The following POC5 variants were observed in gnomAD, a reference collection of about 807,000 sequenced individuals.
POC5 encodes POC5 centriolar protein, also known as centrosomal protein POC5.
In POC5, 48 loss-of-function variants were observed where a neutral mutation model predicts 62.9. That is an observed-to-expected ratio of 0.76 (90% CI 0.61 to 0.97). The LOEUF is 0.97. POC5 is among the 50% of genes least tolerant of loss of function. The pLI, the probability that POC5 is intolerant of heterozygous loss-of-function variation, is 0.00. For synonymous variants in POC5, 236 were observed against 228.2 expected (o/e 1.03, Z -0.31); for missense variants, 696 against 679.5 (o/e 1.02, Z -0.27).
rs77142319 is a variant in POC5, at chr5:75,702,560, C to T, written c.513+45G>A. 1,259 of 1,530,116 alleles carry T rather than the reference C, an allele frequency of 8.2e-4. 9 individuals are homozygous for T. The East Asian group carries it at 0.021, about 26-fold the overall frequency. The allele number at this position is 1,530,116 out of a possible 1,614,324, so 94.8% of individuals were successfully genotyped here. On this transcript the variant is annotated intron_variant, in intron 5 of 11. Transcript: ENST00000428202. ...AGTATAAATGAGAGTAAAACTATTACATTACATACTAAACAACTGTAATTG... is the reference window on the plus strand; with the variant it reads ...AGTATAAATGAGAGTAAAACTATTATATTACATACTAAACAACTGTAATTG...
chr5:75,715,170 C>A (rs1358773046), intron 1 of POC5, among the ~76,000 whole-genome samples: 1 of 151,874 alleles, frequency 6.6e-6, no homozygotes, highest in South Asian at 2.1e-4. Context: ...ATTAGCCTGG[C>A]GTGGTGGTGG....
chr5:75,693,071 CAT>C (rs929300141), intron 6 of POC5, among the ~76,000 whole-genome samples: 2 of 145,732 alleles, frequency 1.4e-5, no homozygotes, highest in African/African-American at 5.0e-5. Flanking sequence ...ACATGTTATA[CAT>C]ATAACTATTA....
chr5:75,676,431 G>A (rs920662152), intron 11 of POC5, among the ~76,000 whole-genome samples: 1 of 152,068 alleles, frequency 6.6e-6, no homozygotes, highest in Non-Finnish European at 1.5e-5. Flanking sequence ...GTCTCTATCT[G>A]GACTTGGTGC....
At chr5:75,686,159 T>A (rs962929751) in intron 9 of POC5, among the ~76,000 whole-genome samples, 23 of 152,316 alleles carry the variant, frequency 1.5e-4, no homozygotes, top group Admixed American at 4.6e-4. Flanking sequence ...TTAATCTTGA[T>A]CTAAGGAGCC....
chr5:75,697,771 G>A (rs1776676155), intron 5 of POC5, among the ~76,000 whole-genome samples: 1 of 151,706 alleles, frequency 6.6e-6, no homozygotes, highest in Non-Finnish European at 1.5e-5. Flanking sequence ...ACACAGACTG[G>A]CAAATTGGAT....
rs560613077 is a variant in POC5, at chr5:75,692,245, C to T, written c.795+151G>A. On this transcript the variant is annotated intron_variant, in intron 7 of 11. Coordinates refer to ENST00000428202, the MANE Select transcript of POC5 (RefSeq NM_001099271.2). ...AGATCTAAACTGTATTTTTTCCAAA[C>T]TACATCAAAATCAAATTCCTTTGAA... 1.6e-5 allele frequency: 7 copies of T among 438,650 alleles called. No homozygotes were observed. In the South Asian group the frequency reaches 3.2e-4, roughly 20 times the overall value. The allele number at this position is 438,650 out of a possible 1,614,324, so 27.2% of individuals were successfully genotyped here. A position where few individuals can be genotyped will look rare whatever the true frequency, so the allele number is the denominator to read the frequency against.
chr5:75,682,914 G>T (rs1435510379), intron 10 of POC5, among the ~76,000 whole-genome samples: 1 of 152,172 alleles, frequency 6.6e-6, no homozygotes, highest in Non-Finnish European at 1.5e-5. Flanking sequence ...GTAAATAACT[G>T]ATCTCAATGT....
At chr5:75,689,959 C>T (rs73126706) in intron 8 of POC5, among the ~76,000 whole-genome samples, 10,360 of 152,142 alleles carry the variant, frequency 0.068, 383 homozygotes, top group South Asian at 0.11. Flanking sequence ...TGATATAGCT[C>T]ACTGCAACTT....
intron 4 of POC5, among the ~76,000 whole-genome samples, chr5:75,703,319 G>A (rs1776970244): frequency 6.6e-6 from 1 of 152,064 alleles, no homozygotes; most frequent in Non-Finnish European, 1.5e-5. Flanking sequence ...TTTAACACTG[G>A]GATTGGTTTT....
intron 9 of POC5, 36 bp downstream of exon 9, chr5:75,688,976 T>G (rs764613177): frequency 1.3e-6 from 2 of 1,498,012 alleles, no homozygotes; most frequent in Admixed American, 2.3e-5. Flanking sequence ...AATCTTTTTT[T>G]GAAATTAGGC....
intron 10 of POC5, 52 bp from the exon 11 acceptor site, chr5:75,678,002 C>T: frequency 7.3e-7 from 1 of 1,361,724 alleles, no homozygotes; most frequent in Non-Finnish European, 9.8e-7. Flanking sequence ...AAATCCACAG[C>T]AAAATCTATT....
chr5:75,701,280 T>C (rs1488342976), intron 5 of POC5, among the ~76,000 whole-genome samples: 5 of 135,656 alleles, frequency 3.7e-5, no homozygotes, highest in South Asian at 2.6e-4. Flanking sequence ...CGTATGTTTA[T>C]TGCGGCATTA....
intron 9 of POC5, among the ~76,000 whole-genome samples, chr5:75,685,717 T>A (rs541546227): frequency 5.0e-4 from 76 of 152,312 alleles, no homozygotes; most frequent in Middle Eastern, 6.8e-3. Context: ...AGCTAATGGA[T>A]CATTTGTTCT....
chr5:75,674,239 T>TAAAA lies in POC5; in HGVS notation c.*192_*195dup. On this transcript the variant is annotated 3_prime_UTR_variant, in exon 12 of 12. Transcript: ENST00000428202. ...AAAAAGTTTTACTTAATTGCTTAAA[T>TAAAA]AAAAAATAACATTAAAATAATTTCT... 2.4e-6 allele frequency: 1 copy of TAAAA among 423,926 alleles called. No homozygotes were observed. Among genetic ancestry groups the TAAAA allele is most frequent in the Admixed American group, 4.1e-5 (1 of 24,198 alleles). The allele number at this position is 423,926 out of a possible 1,614,324, so 26.3% of individuals were successfully genotyped here. A position where few individuals can be genotyped will look rare whatever the true frequency, so the allele number is the denominator to read the frequency against.
In POC5 at chr5:75,674,344, T is replaced by G. The variant is rs921170772; in HGVS notation, c.*91A>C. 17 of 1,375,064 alleles carry G rather than the reference T, an allele frequency of 1.2e-5. No individual in the cohort carries two copies. The Middle Eastern group carries it at 5.6e-4, about 45-fold the overall frequency. 85.2% of individuals were successfully genotyped at this position (1,375,064 alleles called of 1,614,324 possible). A position where few individuals can be genotyped will look rare whatever the true frequency, so the allele number is the denominator to read the frequency against. On this transcript the variant is annotated 3_prime_UTR_variant, in exon 12 of 12. Coordinates refer to ENST00000428202, the MANE Select transcript of POC5 (RefSeq NM_001099271.2). Reference sequence around the variant, plus strand: ...AGATGAACATGATGTCTCCATGATGTTCTAACAATATGGAAAAGTTAAAAC... The same window carrying G: ...AGATGAACATGATGTCTCCATGATGGTCTAACAATATGGAAAAGTTAAAAC...
intron 9 of POC5, 43 bp downstream of exon 9, chr5:75,688,969 C>A (rs1561466572): frequency 1.3e-6 from 2 of 1,484,850 alleles, no homozygotes; most frequent in African/African-American, 1.4e-5. Flanking sequence ...CTCCTCAAAT[C>A]TTTTTTTGAA....
chr5:75,686,002 AAATC>A (rs1461227129), intron 9 of POC5, among the ~76,000 whole-genome samples: 2 of 152,246 alleles, frequency 1.3e-5, no homozygotes, highest in Non-Finnish European at 2.9e-5. Context: ...AAACAAAAAT[AAATC>A]AATAAAACTA....
At chr5:75,700,522 A>G in intron 5 of POC5, among the ~76,000 whole-genome samples, 1 of 151,280 alleles carries the variant, frequency 6.6e-6, no homozygotes, top group Non-Finnish European at 1.5e-5. Flanking sequence ...CCATATGTAG[A>G]AAGCTGAAAC....
At chr5:75,698,371 T>A (rs1187683689) in intron 5 of POC5, among the ~76,000 whole-genome samples, 1 of 151,882 alleles carries the variant, frequency 6.6e-6, no homozygotes, top group Non-Finnish European at 1.5e-5. Context: ...AAACTATCTC[T>A]CAGACCACAT....
Sources: allele counts gnomAD v4.1 joint callset (sites outside exome capture counted in the v4.1 genomes callset), GRCh38; gene constraint gnomAD v4.1.1; transcripts MANE v1.5; gene names NCBI Gene and HGNC (gene_info 2026-07-23, HGNC 2026-07-21).